BRINP1: variants seen among roughly 807,000 people sequenced by gnomAD.
BRINP1 encodes BMP/retinoic acid-inducible neural-specific protein 1.
A neutral mutation model predicts 72.9 loss-of-function variants in BRINP1; 17 were observed. That is an observed-to-expected ratio of 0.23 (90% CI 0.16 to 0.35). The LOEUF (loss-of-function observed/expected upper bound fraction) is 0.35. BRINP1 is among the 10% of genes least tolerant of loss of function. The pLI is 1.00. For missense variants in BRINP1, 850 were observed against 1,001.6 expected (o/e 0.85, Z 2.04); for synonymous variants, 418 against 378.5 (o/e 1.10, Z -1.21).
chr9:119,349,867 C>T (rs1380055812), intron 1 of BRINP1, among the ~76,000 whole-genome samples: 2 of 152,144 alleles, frequency 1.3e-5, no homozygotes, highest in African/African-American at 4.8e-5. Context: ...AATTATTTTC[C>T]TCTTCCTTCG....
At chr9:119,263,670 C>A (rs529914834) in intron 2 of BRINP1, among the ~76,000 whole-genome samples, 1 of 116,124 alleles carries the variant, frequency 8.6e-6, no homozygotes, top group South Asian at 3.0e-4. Flanking sequence ...TGCAGTGGTG[C>A]GATCTCTGCT....
chr9:119,178,232 T>C (rs1436997790), intron 7 of BRINP1, among the ~76,000 whole-genome samples: 2 of 152,142 alleles, frequency 1.3e-5, no homozygotes, highest in Non-Finnish European at 2.9e-5. Flanking sequence ...AATTCAACTA[T>C]TGGATGGGCC....
rs193235947 is a variant in BRINP1, at chr9:119,362,257, G to A, written c.-51+6799C>T. Among the ~76,000 whole-genome samples, 196 of 152,254 alleles carry A rather than the reference G, an allele frequency of 1.3e-3. 1 individual carries two copies. The highest frequency in any genetic ancestry group is 4.4e-3 in the African/African-American group (183 of 41,536). ...CTAGATATATAGTGATAGAAGCCAG[G>A]ACTGGAATCAGGTACCCTGAGTCCC... On this transcript the variant is annotated intron_variant, in intron 1 of 7. Coordinates refer to ENST00000265922, the MANE Select transcript of BRINP1 (RefSeq NM_014618.3).
At chr9:119,335,390 G>T (rs1203026218) in intron 1 of BRINP1, among the ~76,000 whole-genome samples, 4 of 152,124 alleles carry the variant, frequency 2.6e-5, no homozygotes, top group Admixed American at 6.5e-5. Context: ...TTATCTCTAA[G>T]GGCCCTTCTA....
rs887406997 is a variant in BRINP1 at position 119,369,431 on chromosome 9, C to A, written c.-426G>T. On this transcript the variant is annotated 5_prime_UTR_variant, in exon 1 of 8. Coordinates refer to ENST00000265922, the MANE Select transcript of BRINP1 (RefSeq NM_014618.3). Reference sequence around the variant, plus strand: ...TGGGGTCCGGGAGCGAGGCGGCTGGCGAATGGAGAGGGAAGTCCAAGTGCG... The same window carrying A: ...TGGGGTCCGGGAGCGAGGCGGCTGGAGAATGGAGAGGGAAGTCCAAGTGCG... 1.0e-5 allele frequency: 4 copies of A among 393,834 alleles called. No homozygotes were observed. Among genetic ancestry groups the A allele is most frequent in the African/African-American group, 2.1e-5 (1 of 48,468 alleles). The allele number at this position is 393,834 out of a possible 1,614,324, so 24.4% of individuals were successfully genotyped here. A position where few individuals can be genotyped will look rare whatever the true frequency, so the allele number is the denominator to read the frequency against.
intron 1 of BRINP1, among the ~76,000 whole-genome samples, chr9:119,314,310 A>C: frequency 6.6e-6 from 1 of 152,192 alleles, no homozygotes; most frequent in South Asian, 2.1e-4. Context: ...TGTGGAGAGG[A>C]TAGACCAGAA....
intron 7 of BRINP1, among the ~76,000 whole-genome samples, chr9:119,178,882 AAAG>A (rs1204914621): frequency 1.3e-5 from 2 of 152,096 alleles, no homozygotes; most frequent in Admixed American, 6.5e-5. Flanking sequence ...AGACACAAGA[AAAG>A]AAATAAATTG....
At chr9:119,173,978 A>G (rs946594037) in intron 7 of BRINP1, among the ~76,000 whole-genome samples, 6 of 120,182 alleles carry the variant, frequency 5.0e-5, no homozygotes, top group African/African-American at 1.2e-4. Flanking sequence ...ACCTTATACA[A>G]AAATCAATTC....
intron 3 of BRINP1, among the ~76,000 whole-genome samples, chr9:119,242,675 C>T (rs1830265698): frequency 6.6e-6 from 1 of 151,116 alleles, no homozygotes; most frequent in African/African-American, 2.5e-5. Flanking sequence ...TTTTCTCTTT[C>T]CCCTCCCCCT....
chr9:119,174,353 A>G (rs1419689398), intron 7 of BRINP1, among the ~76,000 whole-genome samples: 13 of 150,694 alleles, frequency 8.6e-5, no homozygotes, highest in Non-Finnish European at 1.8e-4. Flanking sequence ...GCAGCCAAAA[A>G]ACACATGAAA....
At chr9:119,177,753 G>C (rs1297656193) in intron 7 of BRINP1, among the ~76,000 whole-genome samples, 1 of 152,144 alleles carries the variant, frequency 6.6e-6, no homozygotes, top group Non-Finnish European at 1.5e-5. Context: ...TAAGCAACGG[G>C]GCTAGTGGCA....
chr9:119,238,811 G>A, intron 4 of BRINP1, 51 bp from the exon 5 acceptor site: 1 of 1,241,918 alleles, frequency 8.1e-7, no homozygotes, highest in Non-Finnish European at 1.2e-6. Context: ...CCTTGTCTAG[G>A]ACATACCCCA....
chr9:119,204,167 T>C (rs1454217221), intron 7 of BRINP1, among the ~76,000 whole-genome samples: 1 of 151,944 alleles, frequency 6.6e-6, no homozygotes, highest in African/African-American at 2.4e-5. Context: ...TCTGAGAGAG[T>C]GTCATTGTGG....
intron 1 of BRINP1, among the ~76,000 whole-genome samples, chr9:119,323,368 T>G (rs1176516202): frequency 6.6e-6 from 1 of 152,098 alleles, no homozygotes; most frequent in African/African-American, 2.4e-5. Context: ...GCCTAGTTCA[T>G]GGGTAAAAGG....
At chr9:119,288,546 C>T (rs1249898101) in intron 2 of BRINP1, among the ~76,000 whole-genome samples, 2 of 151,994 alleles carry the variant, frequency 1.3e-5, no homozygotes, top group African/African-American at 4.8e-5. Flanking sequence ...GTCTTTTCAT[C>T]AGTCAATGAA....
In BRINP1 at chr9:119,249,010, G is replaced by C; in HGVS notation, c.359C>G (p.Thr120Ser). Residue 120 changes from threonine to serine, a missense_variant, in exon 3 of 8, where the codon ACC (threonine) becomes AGC (serine). Coordinates refer to ENST00000265922, the MANE Select transcript of BRINP1 (RefSeq NM_014618.3). Reference protein sequence around the residue: ...RRPTTQQFIDTIIKKYGTHLL... With the variant: ...RRPTTQQFIDSIIKKYGTHLL... ...GTGGGTGCCGTACTTTTTGATGATGGTATCGATGAACTGCTGAGTGGTAGG... is the reference window on the plus strand; with the variant it reads ...GTGGGTGCCGTACTTTTTGATGATGCTATCGATGAACTGCTGAGTGGTAGG... 6.2e-7 allele frequency: 1 copy of C among 1,613,992 alleles called. No individual in the cohort carries two copies. The highest frequency in any genetic ancestry group is 8.5e-7 in the Non-Finnish European group (1 of 1,179,984).
chr9:119,341,355 A>C (rs776522730), intron 1 of BRINP1, among the ~76,000 whole-genome samples: 1 of 152,216 alleles, frequency 6.6e-6, no homozygotes, highest in African/African-American at 2.4e-5. Flanking sequence ...GATTATATCA[A>C]GGAAAAATGT....
chr9:119,282,291 A>C (rs1830720139), intron 2 of BRINP1, among the ~76,000 whole-genome samples: 1 of 152,152 alleles, frequency 6.6e-6, no homozygotes, highest in Non-Finnish European at 1.5e-5. Flanking sequence ...AGTAGATGAA[A>C]TCCACAGGAG....
At chr9:119,188,705 C>T (rs1829652401) in intron 7 of BRINP1, among the ~76,000 whole-genome samples, 1 of 152,002 alleles carries the variant, frequency 6.6e-6, no homozygotes, top group Non-Finnish European at 1.5e-5. Context: ...TCACTTGAAC[C>T]CAGGAGTTTG....
Sources: allele counts gnomAD v4.1 joint callset (sites outside exome capture counted in the v4.1 genomes callset), GRCh38; gene constraint gnomAD v4.1.1; transcripts MANE v1.5; gene names NCBI Gene and HGNC (gene_info 2026-07-23, HGNC 2026-07-21).